EAPP: variants seen among roughly 807,000 people sequenced by gnomAD.
EAPP encodes the protein E2F associated phosphoprotein.
EAPP carries 38 observed loss-of-function variants against 34.3 expected under a neutral mutation model. The observed-to-expected ratio is 1.11, with a 90% CI of 0.85 to 1.45. The LOEUF is 1.45. Among genes scored for constraint, EAPP ranks in the 40% most tolerant of loss-of-function variants. The pLI is 0.00. For missense variants in EAPP, 338 were observed against 343.7 expected, an observed-to-expected ratio of 0.98 and a Z score of 0.13; for synonymous variants, 113 against 117.6, an observed-to-expected ratio of 0.96 and a Z score of 0.25.
At chr14:34,534,241 C>T (rs1880389763) in intron 2 of EAPP, among the ~76,000 whole-genome samples, 1 of 151,676 alleles carries the variant, frequency 6.6e-6, no homozygotes, top group Admixed American at 6.6e-5. Context: ...CAGGTGATTC[C>T]CCTGCCTGAC....
chr14:34,537,289 A>G (rs4567613), intron 1 of EAPP, among the ~76,000 whole-genome samples: 130,524 of 152,224 alleles, frequency 0.86, 56,092 homozygotes, highest in African/African-American at 0.88. Context: ...GGGATTACAG[A>G]TGTGAGCCAC....
chr14:34,533,122 C>T (rs927232084), intron 3 of EAPP, among the ~76,000 whole-genome samples: 6 of 152,162 alleles, frequency 3.9e-5, no homozygotes. Flanking sequence ...GCAACCTCCG[C>T]CTCCTGGGTT....
At chr14:34,529,604 G>A (rs1299832225) in intron 3 of EAPP, 129 bp from the exon 4 acceptor site, 2 of 709,574 alleles carry the variant, frequency 2.8e-6, no homozygotes, top group East Asian at 2.9e-5. Flanking sequence ...AAAGGGACGG[G>A]CGCAGTGGCT....
intron 2 of EAPP, among the ~76,000 whole-genome samples, chr14:34,535,193 G>A (rs773220671): frequency 5.9e-4 from 82 of 139,064 alleles, no homozygotes; most frequent in Non-Finnish European, 1.0e-3. Context: ...GCAGTGCCGC[G>A]ATCTCAGCTC....
rs71121207 is a variant in EAPP, at chr14:34,535,437, A to ATT, written c.256+655_256+656dup. Among the ~76,000 whole-genome samples, 39 of 135,242 alleles carry ATT rather than the reference A, an allele frequency of 2.9e-4. 5 individuals carry two copies. The highest frequency in any genetic ancestry group is 4.5e-4 in the East Asian group (2 of 4,424). 88.7% of individuals were successfully genotyped at this position (135,242 alleles called of 152,430 possible). ...GAGCCACTGCACCCGGTCGCTACAG[A>ATT]TTTTTTTTTTTTTTAGATGGAGTCT... is the stretch of plus-strand genomic sequence containing the variant. On this transcript the variant is annotated intron_variant, in intron 2 of 5. Transcript: ENST00000250454.
At chr14:34,530,904 C>CAAAAAA (rs780101001) in intron 3 of EAPP, among the ~76,000 whole-genome samples, 26 of 55,144 alleles carry the variant, frequency 4.7e-4, no homozygotes, top group East Asian at 7.7e-4. Flanking sequence ...CAATCTTTAC[C>CAAAAAA]AAAAAAAAAA....
At chr14:34,523,391 C>G (rs1879983082) in intron 5 of EAPP, among the ~76,000 whole-genome samples, 1 of 152,032 alleles carries the variant, frequency 6.6e-6, no homozygotes, top group Admixed American at 6.6e-5. Flanking sequence ...GCGCCCGCCA[C>G]CATGCCCGGC....
intron 1 of EAPP, among the ~76,000 whole-genome samples, chr14:34,538,133 T>A (rs1880534617): frequency 6.6e-6 from 1 of 152,128 alleles, no homozygotes; most frequent in Non-Finnish European, 1.5e-5. Flanking sequence ...ATCCTAGCAC[T>A]TTGGGAGCCC....
intron 1 of EAPP, 104 bp downstream of exon 1, chr14:34,539,451 G>A: frequency 7.8e-7 from 1 of 1,289,476 alleles, no homozygotes; most frequent in South Asian, 1.2e-5. Context: ...ACAGGCTCCC[G>A]AGCCGCTAGG....
At chr14:34,535,850 T>G in intron 2 of EAPP, 1 of 374,326 alleles carries the variant, frequency 2.7e-6, no homozygotes, top group Non-Finnish European at 4.7e-6. Context: ...TGAGCTATGA[T>G]CATGCCACTG....
At position 34,536,083 on chromosome 14, in the gene EAPP, CA is replaced by C. The variant is rs1426674724; in HGVS notation, c.256+10del. 1.3e-6 allele frequency: 2 copies of C among 1,598,438 alleles called. No individual in the cohort carries two copies. The highest frequency in any genetic ancestry group is 2.3e-5 in the South Asian group (2 of 87,630). On this transcript the variant is annotated intron_variant, in intron 2 of 5. Coordinates refer to ENST00000250454, the MANE Select transcript of EAPP (RefSeq NM_018453.4). ...TACAAAAATATATATAAAATTGAAC[CA>C]AAAGTTTACCAGTTCCCAGAGAGGA...
intron 5 of EAPP, among the ~76,000 whole-genome samples, 186 bp downstream of exon 5, chr14:34,524,511 G>C (rs1455446772): frequency 6.6e-6 from 1 of 152,060 alleles, no homozygotes; most frequent in East Asian, 1.9e-4. Flanking sequence ...AGCTACCTGG[G>C]AGGCTGAGGC....
rs1290864508 is a variant in EAPP at position 34,515,944 on chromosome 14, A to T, written c.*366T>A. On this transcript the variant is annotated 3_prime_UTR_variant, in exon 6 of 6. Transcript: ENST00000250454. ...GCAAAAACAATACAGACAATTCAGG[A>T]AAGAGTTTCCAGTTTAATTACATCA... 5.5e-6 allele frequency: 1 copy of T among 181,574 alleles called. No individual in the cohort carries two copies. The highest frequency in any genetic ancestry group is 1.2e-5 in the Non-Finnish European group (1 of 86,942). The allele number at this position is 181,574 out of a possible 1,614,324, so 11.2% of individuals were successfully genotyped here. A position where few individuals can be genotyped will look rare whatever the true frequency, so the allele number is the denominator to read the frequency against.
intron 2 of EAPP, among the ~76,000 whole-genome samples, 162 bp from the exon 3 acceptor site, chr14:34,533,701 C>T (rs868313999): frequency 5.3e-5 from 8 of 152,118 alleles, no homozygotes; most frequent in Non-Finnish European, 7.4e-5. Flanking sequence ...ATGTCTATGC[C>T]CTATACAGTT....
chr14:34,526,021 AAAAAAAT>A (rs1266385294), intron 4 of EAPP, among the ~76,000 whole-genome samples: 2 of 152,138 alleles, frequency 1.3e-5, no homozygotes, highest in African/African-American at 4.8e-5. Context: ...CTCTGTCTCC[AAAAAAAT>A]AAAAAATAAA....
intron 3 of EAPP, among the ~76,000 whole-genome samples, chr14:34,530,810 T>C (rs1302636487): frequency 6.8e-6 from 1 of 147,378 alleles, no homozygotes; most frequent in Admixed American, 7.0e-5. Flanking sequence ...TCAGATACAG[T>C]GGCTCACATC....
intron 5 of EAPP, among the ~76,000 whole-genome samples, chr14:34,521,323 C>T (rs1430595286): frequency 1.3e-5 from 2 of 152,008 alleles, no homozygotes; most frequent in African/African-American, 4.8e-5. Context: ...CACCCACCTC[C>T]GCCTCCCAGA....
chr14:34,536,698 GTTTT>G, intron 1 of EAPP, among the ~76,000 whole-genome samples: 1 of 151,692 alleles, frequency 6.6e-6, no homozygotes, highest in African/African-American at 2.4e-5. Flanking sequence ...GCCCAGGATG[GTTTT>G]TTTGTTTGTT....
chr14:34,522,426 T>C (rs1371450635), intron 5 of EAPP, among the ~76,000 whole-genome samples: 1 of 152,172 alleles, frequency 6.6e-6, no homozygotes, highest in Non-Finnish European at 1.5e-5. Flanking sequence ...AGGGTTCACT[T>C]GATTCCTTGT....
Sources: allele counts gnomAD v4.1 joint callset (sites outside exome capture counted in the v4.1 genomes callset), GRCh38; gene constraint gnomAD v4.1.1; transcripts MANE v1.5; gene names NCBI Gene and HGNC (gene_info 2026-07-23, HGNC 2026-07-21).